ENO4: variants seen among roughly 807,000 people sequenced by gnomAD.
ENO4 encodes enolase 4, also known as 2-phospho-D-glycerate hydro-lyase.
ENO4 carries 53 observed loss-of-function variants against 63.2 expected under a neutral mutation model. The observed-to-expected ratio is 0.84, with a 90% confidence interval of 0.67 to 1.05. ENO4 has a LOEUF of 1.05. Ranked by LOEUF, ENO4 falls within the 50% of genes least tolerant of loss-of-function variation. The probability of loss-of-function intolerance (pLI) is 0.00; values close to 1 mark genes in which losing one functional copy is unlikely to be tolerated. For missense variants in ENO4, 719 were observed against 772.0 expected, an observed-to-expected ratio of 0.93 and a Z score of 0.81; for synonymous variants, 266 against 283.8, an observed-to-expected ratio of 0.94 and a Z score of 0.63.
At chr10:116,870,720 A>C (rs1244825267) in intron 8 of ENO4, among the ~76,000 whole-genome samples, 1 of 152,204 alleles carries the variant, frequency 6.6e-6, no homozygotes, top group Non-Finnish European at 1.5e-5. Flanking sequence ...AAAACAGAAC[A>C]TACGAAAGAG....
At chr10:116,878,055 G>A (rs1275535380) in intron 11 of ENO4, among the ~76,000 whole-genome samples, 1 of 152,142 alleles carries the variant, frequency 6.6e-6, no homozygotes, top group African/African-American at 2.4e-5. Flanking sequence ...TCCCTAACTG[G>A]TTCAGTTCTG....
At chr10:116,900,428 G>A in intron 10 of ENO4, 1 of 987,318 alleles carries the variant, frequency 1.0e-6, no homozygotes, top group Non-Finnish European at 1.5e-6. Context: ...TGCAGACCTT[G>A]GGCCTGCAAT....
intron 10 of ENO4, among the ~76,000 whole-genome samples, chr10:116,892,091 C>G (rs1420116904): frequency 6.6e-6 from 1 of 152,072 alleles, no homozygotes; most frequent in African/African-American, 2.4e-5. Context: ...AATGGCTGGG[C>G]AAAGATCTAT....
intron 8 of ENO4, among the ~76,000 whole-genome samples, chr10:116,870,427 G>A (rs185088732): frequency 3.3e-5 from 5 of 152,220 alleles, no homozygotes; most frequent in Admixed American, 1.3e-4. Context: ...GGAGTGCTGA[G>A]CACAAGACTT....
chr10:116,867,421 C>CAA (rs35426438), intron 7 of ENO4, among the ~76,000 whole-genome samples: 79,772 of 137,666 alleles, frequency 0.58, 24,897 homozygotes, highest in Middle Eastern at 0.71. Context: ...AAATATTTAC[C>CAA]AAAAAAAAAA....
intron 4 of ENO4, among the ~76,000 whole-genome samples, chr10:116,860,304 C>T (rs940146217): frequency 1.3e-5 from 2 of 152,050 alleles, no homozygotes; most frequent in Admixed American, 6.6e-5. Flanking sequence ...TGCTAAAGAA[C>T]GTAAATGACA....
intron 10 of ENO4, among the ~76,000 whole-genome samples, chr10:116,897,366 C>T (rs527490714): frequency 6.6e-6 from 1 of 152,278 alleles, no homozygotes; most frequent in Admixed American, 6.5e-5. Flanking sequence ...TTTTCCTAAC[C>T]GTGAACAGCT....
intron 2 of ENO4, among the ~76,000 whole-genome samples, chr10:116,855,966 G>C (rs1027571329): frequency 1.3e-5 from 2 of 152,142 alleles, no homozygotes; most frequent in African/African-American, 4.8e-5. Context: ...CTAACCTGAG[G>C]ATGATCCAAC....
intron 6 of ENO4, among the ~76,000 whole-genome samples, chr10:116,862,143 G>T (rs1466697169): frequency 6.6e-6 from 1 of 152,126 alleles, no homozygotes; most frequent in African/African-American, 2.4e-5. Flanking sequence ...GACTACCTTG[G>T]TGATCTGTGA....
downstream of ENO4, chr10:116,886,256 A>G (rs1480329132): frequency 2.0e-6 from 3 of 1,520,966 alleles, no homozygotes; most frequent in Non-Finnish European, 2.7e-6. Context: ...ACCAGAGCAG[A>G]ATGTCTACAG....
intron 3 of ENO4, among the ~76,000 whole-genome samples, chr10:116,857,667 C>G (rs1373807504): frequency 1.4e-5 from 2 of 146,398 alleles, no homozygotes; most frequent in Non-Finnish European, 3.0e-5. Flanking sequence ...GAGATGGAGT[C>G]TTCCTCTGTC....
chr10:116,856,167 C>T (rs557996606), intron 2 of ENO4, among the ~76,000 whole-genome samples: 1 of 152,168 alleles, frequency 6.6e-6, no homozygotes, highest in Non-Finnish European at 1.5e-5. Context: ...CACTTTGCTA[C>T]ATATTTGTTA....
At chr10:116,884,692 A>G (rs17095395), downstream of ENO4, 7,950 of 156,254 alleles carry the variant, frequency 0.051, 672 homozygotes, top group African/African-American at 0.17. Context: ...CTTAGGGACT[A>G]TTAAAAATTA....
chr10:116,893,152 C>CA (rs1386821420), intron 10 of ENO4, among the ~76,000 whole-genome samples: 1 of 152,134 alleles, frequency 6.6e-6, no homozygotes, highest in African/African-American at 2.4e-5. Context: ...GCTGTTTGCA[C>CA]AGCAACTCAG....
At chr10:116,854,940 CAAAAAAAAAAAA>C (rs71013620) in intron 1 of ENO4, among the ~76,000 whole-genome samples, 4 of 41,526 alleles carry the variant, frequency 9.6e-5, no homozygotes, top group Non-Finnish European at 1.5e-4. Flanking sequence ...GACCCTGTCT[CAAAAAAAAAAAA>C]AAAAAAAAAA....
intron 7 of ENO4, 125 bp downstream of exon 7, chr10:116,862,977 GTTTCC>G: frequency 1.4e-6 from 1 of 722,818 alleles, no homozygotes; most frequent in Non-Finnish European, 2.3e-6. Flanking sequence ...TTGGCTTTGG[GTTTCC>G]CCCAAGAACC....
At chr10:116,877,371 A>C (rs1846867409) in intron 11 of ENO4, among the ~76,000 whole-genome samples, 2 of 152,174 alleles carry the variant, frequency 1.3e-5, no homozygotes, top group Non-Finnish European at 2.9e-5. Context: ...TTAGCTACTT[A>C]TAATATATCC....
At chr10:116,887,267 T>C (rs978936298), downstream of ENO4, among the ~76,000 whole-genome samples, 1 of 152,220 alleles carries the variant, frequency 6.6e-6, no homozygotes, top group Non-Finnish European at 1.5e-5. Flanking sequence ...CTCTCGTCTC[T>C]TCTGCTGCAA....
chr10:116,897,645 T>G (rs1156435028), intron 10 of ENO4, among the ~76,000 whole-genome samples: 2 of 152,228 alleles, frequency 1.3e-5, no homozygotes, highest in Non-Finnish European at 2.9e-5. Flanking sequence ...TAAAATGCTT[T>G]TCCTATATGA....
Sources: gnomAD v4.1 joint callset for allele counts (sites outside exome capture counted in the v4.1 genomes callset) on GRCh38, gnomAD v4.1.1 for gene constraint, MANE v1.5 for transcripts, NCBI Gene and HGNC (gene_info 2026-07-23, HGNC 2026-07-21) for gene names.